SEC14L5: variants seen among roughly 807,000 people sequenced by gnomAD.
The protein encoded by SEC14L5 is SEC14 like lipid binding 5, also known as SEC14-like protein 5.
Under a neutral mutation model 84.6 loss-of-function variants are expected in SEC14L5, and 96 were observed. That is an observed-to-expected ratio of 1.13 (90% confidence interval 0.96 to 1.34). The LOEUF (loss-of-function observed/expected upper bound fraction) is 1.34. Among genes scored for constraint, SEC14L5 ranks in the 40% most tolerant of loss-of-function variants. The probability of loss-of-function intolerance (pLI) is 0.00; values close to 1 mark genes in which losing one functional copy is unlikely to be tolerated. For missense variants in SEC14L5, 1,224 were observed against 942.5 expected, an observed-to-expected ratio of 1.30 and a Z score of -3.91; for synonymous variants, 546 against 383.4, an observed-to-expected ratio of 1.42 and a Z score of -4.95.
chr16:4,988,651 C>A lies in SEC14L5; in HGVS notation c.345+371C>A, dbSNP rs1271156733. Among the ~76,000 whole-genome samples, 3 of 152,190 alleles carry A rather than the reference C, an allele frequency of 2.0e-5. No individual in the cohort carries two copies. In the East Asian group the frequency reaches 5.8e-4, roughly 29 times the overall value. On this transcript the variant is annotated intron_variant, in intron 4 of 15. Transcript: ENST00000251170. Reference sequence around the variant, plus strand: ...ATTAAATTATGCCTCAGTTTCCTCACGTGTGAAATGGGCTTAATAATCATG... The same window carrying A: ...ATTAAATTATGCCTCAGTTTCCTCAAGTGTGAAATGGGCTTAATAATCATG...
At chr16:4,967,562 G>GTTTTTT (rs869061549) in intron 2 of SEC14L5, among the ~76,000 whole-genome samples, 5 of 37,112 alleles carry the variant, frequency 1.3e-4, no homozygotes, top group Non-Finnish European at 2.2e-4. Flanking sequence ...TCTTTCTTTC[G>GTTTTTT]TTTTTTTTTT....
intron 2 of SEC14L5, among the ~76,000 whole-genome samples, chr16:4,971,036 G>C (rs1955271175): frequency 6.6e-6 from 1 of 151,330 alleles, no homozygotes; most frequent in East Asian, 1.9e-4. Flanking sequence ...TGAACCGGGA[G>C]GTGGAGGATA....
chr16:4,980,182 T>C (rs1437660181), intron 2 of SEC14L5, among the ~76,000 whole-genome samples: 1 of 152,208 alleles, frequency 6.6e-6, no homozygotes, highest in African/African-American at 2.4e-5. Flanking sequence ...AGCGAGGCAG[T>C]TAACACTTTA....
chr16:5,017,051 A>G lies in SEC14L5; in HGVS notation c.*2081A>G, dbSNP rs1955882598. 1 of 152,236 alleles carries G rather than the reference A, an allele frequency of 6.6e-6. No homozygotes were observed. Among genetic ancestry groups the G allele is most frequent in the South Asian group, 2.1e-4 (1 of 4,834 alleles). The allele number at this position is 152,236 out of a possible 1,614,324, so 9.4% of individuals were successfully genotyped here. A position where few individuals can be genotyped will look rare whatever the true frequency, so the allele number is the denominator to read the frequency against. Reference sequence around the variant, plus strand: ...TGAATTTCTAGCTTTTCTCTTAAAAACTAGGTGTTATCCTACAAGTATGCT... The same window carrying G: ...TGAATTTCTAGCTTTTCTCTTAAAAGCTAGGTGTTATCCTACAAGTATGCT... On this transcript the variant is annotated 3_prime_UTR_variant, in exon 16 of 16. Transcript: ENST00000251170.
chr16:5,000,505 C>T (rs989601611), intron 8 of SEC14L5, 150 bp from the exon 9 acceptor site: 21 of 624,014 alleles, frequency 3.4e-5, no homozygotes, highest in Non-Finnish European at 5.1e-5. Context: ...CTCTTGGAAG[C>T]AGGCAGGGTG....
intron 15 of SEC14L5, among the ~76,000 whole-genome samples, chr16:5,011,807 T>C (rs779642612): frequency 1.3e-5 from 2 of 152,094 alleles, no homozygotes; most frequent in African/African-American, 2.4e-5. Flanking sequence ...TCTTGTGGGT[T>C]TGTCATGAGG....
intron 5 of SEC14L5, 69 bp from the exon 6 acceptor site, chr16:4,991,769 T>C: frequency 9.1e-7 from 1 of 1,096,592 alleles, no homozygotes; most frequent in Non-Finnish European, 1.3e-6. Context: ...GGTGACTCCC[T>C]GTGGTGATCC....
intron 2 of SEC14L5, among the ~76,000 whole-genome samples, chr16:4,969,228 C>T (rs1248829204): frequency 2.6e-5 from 4 of 152,242 alleles, no homozygotes; most frequent in African/African-American, 9.6e-5. Context: ...GGCCCTCGTG[C>T]ATTCATTTCT....
intron 2 of SEC14L5, among the ~76,000 whole-genome samples, chr16:4,981,625 G>A (rs1219852698): frequency 6.6e-6 from 1 of 152,142 alleles, no homozygotes; most frequent in African/African-American, 2.4e-5. Flanking sequence ...AGCTGCCCAT[G>A]ACAACAAGCC....
chr16:4,968,527 A>G (rs778071939), intron 2 of SEC14L5, among the ~76,000 whole-genome samples: 4 of 152,144 alleles, frequency 2.6e-5, no homozygotes, highest in Non-Finnish European at 4.4e-5. Context: ...AGCTCTCCCT[A>G]TGTTGCCCAT....
chr16:4,999,247 C>T (rs34537321), intron 8 of SEC14L5, among the ~76,000 whole-genome samples: 19,529 of 152,220 alleles, frequency 0.13, 1,669 homozygotes, highest in Middle Eastern at 0.2. Flanking sequence ...CAGGCACCAG[C>T]TACAGGGCTG....
chr16:4,988,142 C>T lies in SEC14L5; in HGVS notation c.214-7C>T, dbSNP rs763195552. On this transcript the variant is annotated splice_region_variant and splice_polypyrimidine_tract_variant and intron_variant, in intron 3 of 15. Coordinates refer to ENST00000251170, the MANE Select transcript of SEC14L5 (RefSeq NM_014692.2). ...CCACCTCCGCCTCCCCGCCCCTTCC[C>T]TTGCAGATCGCAGGTGTTGAGCACG... 2.5e-6 allele frequency: 4 copies of T among 1,613,730 alleles called. No individual in the cohort carries two copies. Among genetic ancestry groups the T allele is most frequent in the Non-Finnish European group, 3.4e-6 (4 of 1,179,706 alleles).
rs574364030 is a variant in SEC14L5, at chr16:5,005,859, G to A, written c.1303-55G>A. 2.0e-4 allele frequency: 179 copies of A among 894,660 alleles called. 1 individual carries two copies. In the East Asian group the frequency reaches 4.7e-3, roughly 23 times the overall value. 55.4% of individuals were successfully genotyped at this position (894,660 alleles called of 1,614,324 possible). A position where few individuals can be genotyped will look rare whatever the true frequency, so the allele number is the denominator to read the frequency against. ...AGCCTGGGCGACTGAGCAAGACTCC[G>A]TCTCAAAAAAAAAAAAAAAAAAACC... On this transcript the variant is annotated intron_variant, in intron 11 of 15. Coordinates refer to ENST00000251170, the MANE Select transcript of SEC14L5 (RefSeq NM_014692.2).
intron 13 of SEC14L5, 112 bp downstream of exon 13, chr16:5,007,598 CTTTCTTTCT>C (rs1173983443): frequency 5.9e-5 from 46 of 785,760 alleles, no homozygotes; most frequent in African/African-American, 4.7e-4. Flanking sequence ...TTCTTTCTTT[CTTTCTTTCT>C]TTTTTTTTTT....
In SEC14L5 at chr16:4,983,603, G is replaced by A. The variant is rs183422077; in HGVS notation, c.64-3954G>A. ...AATATATGTATACATGTGGCCAGGCGCGGTGGCTCACGCTTGTAATCCCAG... is the reference window on the plus strand; with the variant it reads ...AATATATGTATACATGTGGCCAGGCACGGTGGCTCACGCTTGTAATCCCAG... On this transcript the variant is annotated intron_variant, in intron 2 of 15. Coordinates refer to ENST00000251170, the MANE Select transcript of SEC14L5 (RefSeq NM_014692.2). Among the ~76,000 whole-genome samples the A allele has an allele frequency of 4.5e-4, 68 of 151,044 alleles. 1 individual carries two copies. The highest frequency in any genetic ancestry group is 5.3e-4 in the Admixed American group (8 of 15,152).
chr16:4,961,521 G>T (rs1031696318), intron 2 of SEC14L5, among the ~76,000 whole-genome samples: 22 of 152,060 alleles, frequency 1.4e-4, no homozygotes, highest in Admixed American at 1.4e-3. Context: ...TATAGACGGG[G>T]TTTCATCACG....
intron 8 of SEC14L5, among the ~76,000 whole-genome samples, chr16:4,999,214 C>T (rs1955648845): frequency 6.6e-6 from 1 of 152,218 alleles, no homozygotes; most frequent in Non-Finnish European, 1.5e-5. Context: ...AGAAAACACC[C>T]AAAGTGCTCC....
At chr16:4,988,087 C>G (rs1360749309) in intron 3 of SEC14L5, 62 bp from the exon 4 acceptor site, 1 of 1,590,878 alleles carries the variant, frequency 6.3e-7, no homozygotes, top group African/African-American at 1.3e-5. Flanking sequence ...CGGACTCGCT[C>G]TCCATTCCTG....
At position 5,008,458 on chromosome 16, in the gene SEC14L5, C is replaced by T. The variant is rs1368865675; in HGVS notation, c.1610C>T (p.Thr537Ile). The change falls in exon 14 of 16, where the codon ACC becomes ATC. Residue 537 changes from threonine (T) to isoleucine (I), a missense_variant. Coordinates refer to ENST00000251170, the MANE Select transcript of SEC14L5 (RefSeq NM_014692.2). ...VEILEGESVITWDFDILRGDV... is the reference protein window; with the variant it reads ...VEILEGESVIIWDFDILRGDV... ...ATCCTGGAAGGAGAGTCGGTCATCA[C>T]CTGGGACTTTGACATCCTGCGAGGG... 6 of 1,613,578 alleles carry T rather than the reference C, an allele frequency of 3.7e-6. No homozygotes were observed. Among genetic ancestry groups the T allele is most frequent in the Non-Finnish European group, 5.1e-6 (6 of 1,179,774 alleles).
Sources: gnomAD v4.1 joint callset for allele counts (sites outside exome capture counted in the v4.1 genomes callset) on GRCh38, gnomAD v4.1.1 for gene constraint, MANE v1.5 for transcripts, NCBI Gene and HGNC (gene_info 2026-07-23, HGNC 2026-07-21) for gene names.